Variants in IQCK observed in about 807,000 individuals in gnomAD.
IQCK encodes IQ motif containing K, also known as IQ domain-containing protein K.
In IQCK, 29 loss-of-function variants were observed where a neutral mutation model predicts 28.1. That is an observed-to-expected ratio of 1.03 (90% confidence interval 0.77 to 1.41). The LOEUF (loss-of-function observed/expected upper bound fraction) is 1.41, where lower values mean the gene tolerates loss of function less well. Ranked by LOEUF, IQCK falls within the 40% of genes most tolerant of loss-of-function variation. IQCK has a pLI of 0.00. For synonymous variants in IQCK, 113 were observed against 115.1 expected, an observed-to-expected ratio of 0.98 and a Z score of 0.12; for missense variants, 359 against 314.7, an observed-to-expected ratio of 1.14 and a Z score of -1.07.
intron 4 of IQCK, among the ~76,000 whole-genome samples, chr16:19,753,548 G>A (rs1225988187): frequency 6.6e-6 from 1 of 152,142 alleles, no homozygotes; most frequent in Non-Finnish European, 1.5e-5. Flanking sequence ...GGGGAAAGAT[G>A]GATTCCTGAA....
chr16:19,783,265 C>T (rs945812854), intron 6 of IQCK, among the ~76,000 whole-genome samples: 1 of 152,124 alleles, frequency 6.6e-6, no homozygotes, highest in Non-Finnish European at 1.5e-5. Flanking sequence ...TACCAAAGTG[C>T]TGGGATTACA....
At chr16:19,814,643 G>A (rs771696428) in intron 7 of IQCK, among the ~76,000 whole-genome samples, 1 of 151,964 alleles carries the variant, frequency 6.6e-6, no homozygotes, top group African/African-American at 2.4e-5. Context: ...GAAGGTATAG[G>A]CACATAAAAT....
chr16:19,822,470 A>T (rs1158081018), intron 7 of IQCK, among the ~76,000 whole-genome samples: 3 of 152,146 alleles, frequency 2.0e-5, no homozygotes, highest in Non-Finnish European at 4.4e-5. Flanking sequence ...TATACGATAG[A>T]TATTATTCAG....
At chr16:19,719,192 C>T (rs1977386692) in intron 1 of IQCK, among the ~76,000 whole-genome samples, 1 of 151,998 alleles carries the variant, frequency 6.6e-6, no homozygotes, top group South Asian at 2.1e-4. Flanking sequence ...AGCAAACTGC[C>T]TGATTTTAGG....
intron 6 of IQCK, among the ~76,000 whole-genome samples, chr16:19,778,415 G>A (rs75555343): frequency 0.11 from 16,942 of 152,096 alleles, 1,364 homozygotes; most frequent in South Asian, 0.27. Context: ...CAGCACTTTG[G>A]GAGGCCGAGG....
chr16:19,854,530 A>C (rs973645291), intron 9 of IQCK, among the ~76,000 whole-genome samples: 8 of 152,146 alleles, frequency 5.3e-5, no homozygotes, highest in African/African-American at 1.9e-4. Flanking sequence ...ATTTCTAACA[A>C]TTTCCCCCTA....
intron 4 of IQCK, chr16:19,735,918 T>C (rs905667694): frequency 1.8e-5 from 6 of 329,304 alleles, no homozygotes; most frequent in Non-Finnish European, 2.4e-5. Flanking sequence ...TTTTTTAAAT[T>C]AGCTAGGTGT....
intron 6 of IQCK, among the ~76,000 whole-genome samples, chr16:19,775,228 A>G (rs1319668712): frequency 9.2e-6 from 1 of 108,712 alleles, no homozygotes; most frequent in South Asian, 2.5e-4. Context: ...CTCTGTATCA[A>G]AAAAAAAAAA....
intron 2 of IQCK, among the ~76,000 whole-genome samples, 167 bp from the exon 3 acceptor site, chr16:19,733,531 G>A (rs1027076905): frequency 2.0e-5 from 3 of 152,274 alleles, no homozygotes; most frequent in East Asian, 3.9e-4. Flanking sequence ...CTGCCTTGTC[G>A]TTTATAGGTG....
At chr16:19,819,480 G>T (rs1187371875) in intron 7 of IQCK, 4 of 151,200 alleles carry the variant, frequency 2.6e-5, no homozygotes, top group African/African-American at 9.7e-5. Flanking sequence ...GTGACAGAGT[G>T]AGACTCCATC....
chr16:19,851,572 C>T (rs982606756), intron 9 of IQCK, among the ~76,000 whole-genome samples: 11 of 152,098 alleles, frequency 7.2e-5, no homozygotes, highest in African/African-American at 2.2e-4. Flanking sequence ...AGGGCGACCA[C>T]GAGGAGAAGA....
downstream of IQCK, among the ~76,000 whole-genome samples, chr16:19,831,614 A>G (rs1352179976): frequency 6.6e-6 from 1 of 152,162 alleles, no homozygotes; most frequent in Non-Finnish European, 1.5e-5. Context: ...CTTGCAATAA[A>G]AAATAGTGGA....
chr16:19,761,243 C>T (rs2055136569), intron 4 of IQCK: 1 of 356,566 alleles, frequency 2.8e-6, no homozygotes, highest in South Asian at 2.1e-5. Context: ...AATAAGGTTA[C>T]ATTCCGAAGG....
intron 6 of IQCK, among the ~76,000 whole-genome samples, chr16:19,776,753 C>G (rs1357490512): frequency 1.3e-5 from 2 of 152,122 alleles, no homozygotes; most frequent in Non-Finnish European, 2.9e-5. Flanking sequence ...GCCACGTACT[C>G]TAATTGAAGT....
intron 1 of IQCK, among the ~76,000 whole-genome samples, chr16:19,722,500 T>C (rs1597491639): frequency 1.3e-5 from 2 of 152,196 alleles, no homozygotes; most frequent in East Asian, 3.8e-4. Flanking sequence ...CAGTCTTTCA[T>C]TCCCATTCCC....
At position 19,763,967 on chromosome 16, in the gene IQCK, T is replaced by G. The variant is rs8058953; in HGVS notation, c.527+67T>G. On this transcript the variant is annotated intron_variant, in intron 5 of 7. Coordinates refer to ENST00000564186, the Ensembl canonical transcript of IQCK. ...CAGTCGTGTTAATTTGCAAGCAGAA[T>G]AGCAACAACTGACTTGAATTCTTGC... 17,712 of 1,592,864 alleles carry G rather than the reference T, an allele frequency of 0.011. 1,277 individuals are homozygous for G. The African/African-American group carries it at 0.18, about 16-fold the overall frequency.
In IQCK at chr16:19,757,211, C is replaced by CT. The variant is rs149475166; in HGVS notation, c.475-6633dup. ...CAGTCCCCTGAACTCACAGCATGTGCTTTTGACTTTTCTAGGTGGAATTAT... is the reference window on the plus strand; with the variant it reads ...CAGTCCCCTGAACTCACAGCATGTGCTTTTTGACTTTTCTAGGTGGAATTAT... On this transcript the variant is annotated intron_variant, in intron 4 of 7. Coordinates refer to ENST00000564186, the Ensembl canonical transcript of IQCK. Among the ~76,000 whole-genome samples the CT allele has an allele frequency of 5.8e-3, 881 of 152,304 alleles. 11 individuals carry two copies. Among genetic ancestry groups the CT allele is most frequent in the African/African-American group, 0.02 (834 of 41,572 alleles).
chr16:19,857,893 G>C (rs2056582313), exon 10 of IQCK: 1 of 153,150 alleles, frequency 6.5e-6, no homozygotes, highest in Non-Finnish European at 1.5e-5. Flanking sequence ...CTCCAGTGGG[G>C]AGAAATCCAG....
chr16:19,778,247 C>A (rs2055423285), intron 6 of IQCK, among the ~76,000 whole-genome samples: 1 of 152,100 alleles, frequency 6.6e-6, no homozygotes, highest in Admixed American at 6.6e-5. Flanking sequence ...GTGTGAGTAA[C>A]CTGGAGACCC....
Sources: allele counts gnomAD v4.1 joint callset (sites outside exome capture counted in the v4.1 genomes callset), GRCh38; gene constraint gnomAD v4.1.1; transcripts MANE v1.5; gene names NCBI Gene and HGNC (gene_info 2026-07-23, HGNC 2026-07-21).